TSPAN18: variants seen among roughly 807,000 people sequenced by gnomAD.
TSPAN18 encodes tetraspanin-18.
TSPAN18 carries 14 observed loss-of-function variants against 27.3 expected under a neutral mutation model. The ratio of observed to expected loss-of-function variants is 0.51; its 90% CI spans 0.34 to 0.80. The LOEUF is 0.80. Among genes scored for constraint, TSPAN18 ranks in the 30% least tolerant of loss-of-function variants. The pLI, the probability that TSPAN18 is intolerant of heterozygous loss-of-function variation, is 0.01. For missense variants in TSPAN18, 268 were observed against 323.9 expected, an observed-to-expected ratio of 0.83 and a Z score of 1.32; for synonymous variants, 143 against 136.5, an observed-to-expected ratio of 1.05 and a Z score of -0.33.
At chr11:44,915,721 A>C (rs1483372592) in intron 5 of TSPAN18, among the ~76,000 whole-genome samples, 1 of 152,228 alleles carries the variant, frequency 6.6e-6, no homozygotes, top group Non-Finnish European at 1.5e-5. Context: ...CTGAAAAGGC[A>C]GCTGGGCCAG....
intron 2 of TSPAN18, among the ~76,000 whole-genome samples, chr11:44,857,574 A>AGGGATCT (rs1180436750): frequency 1.3e-5 from 2 of 152,204 alleles, no homozygotes; most frequent in Non-Finnish European, 2.9e-5. Context: ...ATGCCAGGCC[A>AGGGATCT]GGCCTCCACG....
chr11:44,908,769 G>GAAAGAAAAAGAAAGAAAGAA (rs1554938043), intron 4 of TSPAN18, among the ~76,000 whole-genome samples: 10 of 71,692 alleles, frequency 1.4e-4, no homozygotes, highest in Non-Finnish European at 1.8e-4. Flanking sequence ...AGAGAGAAAG[G>GAAAGAAAAAGAAAGAAAGAA]AGAAAGAAAG....
chr11:44,776,593 C>T (rs1855814071), intron 2 of TSPAN18, among the ~76,000 whole-genome samples: 2 of 152,180 alleles, frequency 1.3e-5, no homozygotes, highest in East Asian at 1.9e-4. Flanking sequence ...TCTTTCTGCT[C>T]TGCCGTCCTT....
chr11:44,760,305 G>A (rs564953084), intron 1 of TSPAN18, among the ~76,000 whole-genome samples: 3 of 152,188 alleles, frequency 2.0e-5, no homozygotes, highest in Non-Finnish European at 4.4e-5. Flanking sequence ...GCCAGGAGCC[G>A]TGTGCAGCAA....
intron 3 of TSPAN18, among the ~76,000 whole-genome samples, chr11:44,894,371 C>G (rs998869515): frequency 6.6e-6 from 1 of 152,218 alleles, no homozygotes; most frequent in Non-Finnish European, 1.5e-5. Context: ...CAAGCCCTTT[C>G]TCGGCTCTGC....
chr11:44,758,976 A>G (rs1329126587), intron 1 of TSPAN18, among the ~76,000 whole-genome samples: 1 of 152,230 alleles, frequency 6.6e-6, no homozygotes, highest in Non-Finnish European at 1.5e-5. Flanking sequence ...GCCCATTCAC[A>G]GGAACCATCC....
chr11:44,861,600 A>G (rs556848245), intron 3 of TSPAN18, among the ~76,000 whole-genome samples: 8 of 152,036 alleles, frequency 5.3e-5, no homozygotes, highest in Admixed American at 6.6e-5. Flanking sequence ...TTTTAGAAAA[A>G]GGAGAAAGGA....
chr11:44,920,116 A>C, intron 8 of TSPAN18, 117 bp downstream of exon 8: 1 of 1,076,600 alleles, frequency 9.3e-7, no homozygotes, highest in South Asian at 1.7e-5. Flanking sequence ...ATCCCAGGGA[A>C]GTGTTGGCCA....
chr11:44,928,505 G>A (rs1860450745), intron 9 of TSPAN18, among the ~76,000 whole-genome samples: 1 of 152,170 alleles, frequency 6.6e-6, no homozygotes, highest in Non-Finnish European at 1.5e-5. Flanking sequence ...ACTGTTCCTT[G>A]GCTGGGCGCT....
intron 1 of TSPAN18, among the ~76,000 whole-genome samples, chr11:44,755,456 A>C (rs1348842712): frequency 6.6e-6 from 1 of 151,738 alleles, no homozygotes; most frequent in African/African-American, 2.4e-5. Context: ...CAGCCAGACA[A>C]GTGCAGGTGG....
At chr11:44,801,660 C>A (rs1054079833) in intron 2 of TSPAN18, among the ~76,000 whole-genome samples, 1 of 152,234 alleles carries the variant, frequency 6.6e-6, no homozygotes, top group Admixed American at 6.5e-5. Context: ...TGAATCCCAG[C>A]TCCGTTTTCC....
intron 2 of TSPAN18, among the ~76,000 whole-genome samples, chr11:44,784,795 A>T (rs1163993958): frequency 6.6e-6 from 1 of 152,138 alleles, no homozygotes; most frequent in East Asian, 1.9e-4. Context: ...CATTTTCCCA[A>T]TTGGGAAATC....
At chr11:44,791,697 T>C (rs76680185) in intron 2 of TSPAN18, among the ~76,000 whole-genome samples, 2,853 of 152,290 alleles carry the variant, frequency 0.019, 103 homozygotes, top group African/African-American at 0.065. Context: ...GAAGAGGGGA[T>C]GGGCTCCGGG....
intron 2 of TSPAN18, among the ~76,000 whole-genome samples, chr11:44,850,649 G>A (rs1857578403): frequency 6.6e-6 from 1 of 152,126 alleles, no homozygotes; most frequent in African/African-American, 2.4e-5. Flanking sequence ...CTCTGCACAT[G>A]AGACATATCT....
At chr11:44,835,730 A>G (rs188036314) in intron 2 of TSPAN18, among the ~76,000 whole-genome samples, 1 of 152,280 alleles carries the variant, frequency 6.6e-6, no homozygotes, top group East Asian at 1.9e-4. Context: ...TGCAAATGGA[A>G]GCTTTGTGGC....
Position 44,920,017 on chromosome 11 carries a change from C to A in TSPAN18, c.615+18C>A, listed in dbSNP as rs972261947. 7 of 1,605,746 alleles carry A rather than the reference C, an allele frequency of 4.4e-6. No homozygotes were observed. Among genetic ancestry groups the A allele is most frequent in the Non-Finnish European group, 6.0e-6 (7 of 1,175,306 alleles). On this transcript the variant is annotated intron_variant, in intron 8 of 9. Coordinates refer to ENST00000520358, the MANE Select transcript of TSPAN18 (RefSeq NM_130783.5). Reference sequence around the variant, plus strand: ...ACAAGCAGGTACTGGCCCTGCTCTCCAGACAGGGGAGTGGGTCTATCGGGA... The same window carrying A: ...ACAAGCAGGTACTGGCCCTGCTCTCAAGACAGGGGAGTGGGTCTATCGGGA...
chr11:44,929,267 G>T lies in TSPAN18; in HGVS notation c.*89G>T, dbSNP rs1590711698. 9 of 1,538,716 alleles carry T rather than the reference G, an allele frequency of 5.8e-6. No individual in the cohort carries two copies. The highest frequency in any genetic ancestry group is 7.1e-6 in the Non-Finnish European group (8 of 1,119,116). On this transcript the variant is annotated 3_prime_UTR_variant, in exon 10 of 10. Transcript: ENST00000520358. ...CGTGCCCCTCCCCGCTGTCCTCTTG[G>T]CCCCAGGGGAGAAGATGAGGCCATC... is the stretch of plus-strand genomic sequence containing the variant.
chr11:44,726,915 A>AGGGAGGGCGGGGGAGGGGG (rs1438610622), upstream of TSPAN18: 6 of 5,078 alleles, frequency 1.2e-3, no homozygotes, highest in Non-Finnish European at 1.6e-3. Flanking sequence ...GGGGGAGGGG[A>AGGGAGGGCGGGGGAGGGGG]GGGACGGACG....
At chr11:44,886,733 G>C (rs1400438288) in intron 3 of TSPAN18, among the ~76,000 whole-genome samples, 1 of 152,214 alleles carries the variant, frequency 6.6e-6, no homozygotes, top group Non-Finnish European at 1.5e-5. Context: ...GGTCAGTTTG[G>C]CTGTTGAGAA....
Sources: gnomAD v4.1 joint callset for allele counts (sites outside exome capture counted in the v4.1 genomes callset) on GRCh38, gnomAD v4.1.1 for gene constraint, MANE v1.5 for transcripts, NCBI Gene and HGNC (gene_info 2026-07-23, HGNC 2026-07-21) for gene names.